MIPOL1: variants seen among roughly 807,000 people sequenced by gnomAD.
The protein encoded by MIPOL1 is mirror-image polydactyly 1.
In MIPOL1, 57 loss-of-function variants were observed where a neutral mutation model predicts 60.9. The ratio of observed to expected loss-of-function variants is 0.94; its 90% confidence interval spans 0.76 to 1.17. The LOEUF is 1.17. Ranked by LOEUF, MIPOL1 falls within the 50% of genes most tolerant of loss-of-function variation. The pLI, the probability that MIPOL1 is intolerant of heterozygous loss-of-function variation, is 0.00. For synonymous variants in MIPOL1, 179 were observed against 168.8 expected (o/e 1.06, Z -0.47); for missense variants, 551 against 511.6 (o/e 1.08, Z -0.74).
intron 11 of MIPOL1, among the ~76,000 whole-genome samples, chr14:37,495,040 C>G (rs1266479528): frequency 1.3e-5 from 2 of 150,896 alleles, no homozygotes; most frequent in Non-Finnish European, 2.9e-5. Context: ...GAAATTAAAT[C>G]AGGATGCTCA....
rs573600762 is a variant in MIPOL1 at position 37,322,750 on chromosome 14, T to C, written c.828+14231T>C. Among the ~76,000 whole-genome samples, 3 of 152,264 alleles carry C rather than the reference T, an allele frequency of 2.0e-5. No individual in the cohort carries two copies. The South Asian group carries it at 6.2e-4, about 31-fold the overall frequency. On this transcript the variant is annotated intron_variant, in intron 9 of 12. Transcript: ENST00000684589. ...CAGTGATGATGAGCTTTTTTTCATGTATTTCTTGACCGCATAAATGTCTTC... is the reference window on the plus strand; with the variant it reads ...CAGTGATGATGAGCTTTTTTTCATGCATTTCTTGACCGCATAAATGTCTTC...
At chr14:37,269,316 C>A (rs571198559) in intron 5 of MIPOL1, among the ~76,000 whole-genome samples, 50 of 152,112 alleles carry the variant, frequency 3.3e-4, no homozygotes, top group African/African-American at 1.2e-3. Context: ...TCTGTTCTGA[C>A]TCTTATTCTA....
chr14:37,202,476 A>G (rs1033956072), intron 1 of MIPOL1, among the ~76,000 whole-genome samples: 1 of 152,124 alleles, frequency 6.6e-6, no homozygotes, highest in Non-Finnish European at 1.5e-5. Flanking sequence ...AATTGTGTTC[A>G]TATGCGTGTT....
intron 12 of MIPOL1, among the ~76,000 whole-genome samples, chr14:37,509,417 T>C (rs1452629010): frequency 6.6e-6 from 1 of 151,754 alleles, no homozygotes; most frequent in Admixed American, 6.6e-5. Context: ...GGAGTCACCA[T>C]AGTGTCACAC....
At chr14:37,243,740 C>T (rs1010971722) in intron 1 of MIPOL1, among the ~76,000 whole-genome samples, 1 of 152,080 alleles carries the variant, frequency 6.6e-6, no homozygotes, top group Non-Finnish European at 1.5e-5. Context: ...ATCCTGGATA[C>T]TGTTACATTG....
At chr14:37,384,397 T>A (rs1366851620) in intron 10 of MIPOL1, among the ~76,000 whole-genome samples, 2 of 151,902 alleles carry the variant, frequency 1.3e-5, no homozygotes, top group Non-Finnish European at 1.5e-5. Flanking sequence ...AAAATATAGC[T>A]ACTGATATAA....
intron 11 of MIPOL1, among the ~76,000 whole-genome samples, chr14:37,429,668 T>A (rs1434072416): frequency 6.6e-6 from 1 of 152,146 alleles, no homozygotes; most frequent in African/African-American, 2.4e-5. Flanking sequence ...AGAGGCCAGA[T>A]GAAATATACA....
At chr14:37,216,604 T>C (rs1751578296) in intron 1 of MIPOL1, among the ~76,000 whole-genome samples, 1 of 152,090 alleles carries the variant, frequency 6.6e-6, no homozygotes, top group Non-Finnish European at 1.5e-5. Context: ...CACAATGTAA[T>C]AAAACTAGAA....
chr14:37,247,655 T>G, intron 2 of MIPOL1, 174 bp from the exon 3 acceptor site: 1 of 471,086 alleles, frequency 2.1e-6, no homozygotes. Context: ...GAAAAGAACC[T>G]TTTTCTGAGA....
At chr14:37,232,166 G>A (rs1970734785) in intron 1 of MIPOL1, among the ~76,000 whole-genome samples, 1 of 152,126 alleles carries the variant, frequency 6.6e-6, no homozygotes, top group South Asian at 2.1e-4. Flanking sequence ...TGTACCTAAT[G>A]TATACTGTTT....
At chr14:37,268,938 C>T (rs2083084897) in intron 5 of MIPOL1, 145 bp downstream of exon 5, 1 of 628,142 alleles carries the variant, frequency 1.6e-6, no homozygotes, top group African/African-American at 1.9e-5. Flanking sequence ...ACCTTGCCAT[C>T]AGGGTATGGT....
At chr14:37,306,505 T>C (rs1407913798) in intron 7 of MIPOL1, among the ~76,000 whole-genome samples, 1 of 152,002 alleles carries the variant, frequency 6.6e-6, no homozygotes, top group Admixed American at 6.6e-5. Context: ...AGCATTTTAA[T>C]TGGATTTTAT....
At chr14:37,513,125 A>T (rs1214096301) in intron 12 of MIPOL1, among the ~76,000 whole-genome samples, 1 of 152,094 alleles carries the variant, frequency 6.6e-6, no homozygotes, top group Non-Finnish European at 1.5e-5. Context: ...ACATCTAAAC[A>T]TGCTTAATTT....
At chr14:37,388,548 G>A (rs2093142454) in intron 10 of MIPOL1, among the ~76,000 whole-genome samples, 2 of 148,258 alleles carry the variant, frequency 1.3e-5, no homozygotes. Context: ...ATCCATTTAA[G>A]GTATACAGTT....
rs747806719 is a variant in MIPOL1, at chr14:37,471,126, T to TA, written c.1032-28780dup. On this transcript the variant is annotated intron_variant, in intron 11 of 12. Coordinates refer to ENST00000684589, the MANE Select transcript of MIPOL1 (RefSeq NM_001388067.1). ...ATTTTTAAGTGTCTTTTGTATTTAG[T>TA]AACATCATTGGAACACTTGGGGACA... Among the ~76,000 whole-genome samples the TA allele has an allele frequency of 6.1e-4, 93 of 152,330 alleles. No homozygotes were observed. In the Middle Eastern group the frequency reaches 0.031, roughly 50 times the overall value.
At chr14:37,218,162 T>A (rs562330629) in intron 1 of MIPOL1, among the ~76,000 whole-genome samples, 52 of 152,182 alleles carry the variant, frequency 3.4e-4, no homozygotes, top group African/African-American at 1.3e-3. Flanking sequence ...ATAATTTTCA[T>A]GATTTCATCT....
At chr14:37,422,025 A>T (rs2093881524) in intron 10 of MIPOL1, among the ~76,000 whole-genome samples, 1 of 152,050 alleles carries the variant, frequency 6.6e-6, no homozygotes, top group Non-Finnish European at 1.5e-5. Flanking sequence ...ATTTTATGAA[A>T]ATTTAACTTT....
intron 11 of MIPOL1, among the ~76,000 whole-genome samples, chr14:37,446,508 C>A (rs1274307267): frequency 4.6e-5 from 7 of 152,126 alleles, no homozygotes; most frequent in African/African-American, 7.2e-5. Flanking sequence ...TTGTGGAAGT[C>A]AGTGTGGCGA....
At chr14:37,467,911 A>T (rs944007684) in intron 11 of MIPOL1, among the ~76,000 whole-genome samples, 1 of 151,658 alleles carries the variant, frequency 6.6e-6, no homozygotes, top group African/African-American at 2.4e-5. Flanking sequence ...AAAATTAGCC[A>T]GGTGTGGTGG....
Sources: gnomAD v4.1 joint callset for allele counts (sites outside exome capture counted in the v4.1 genomes callset) on GRCh38, gnomAD v4.1.1 for gene constraint, MANE v1.5 for transcripts, NCBI Gene and HGNC (gene_info 2026-07-23, HGNC 2026-07-21) for gene names.